Variants in GPC5 observed in about 807,000 individuals in gnomAD.
The protein encoded by GPC5 is glypican-5.
Under a neutral mutation model 53.9 loss-of-function variants are expected in GPC5, and 47 were observed. The ratio of observed to expected loss-of-function variants is 0.87; its 90% CI spans 0.69 to 1.11. The LOEUF (loss-of-function observed/expected upper bound fraction) is 1.11, where lower values mean the gene tolerates loss of function less well. GPC5 is among the 50% of genes most tolerant of loss of function. GPC5 has a pLI of 0.00. For missense variants in GPC5, 748 were observed against 713.1 expected, an observed-to-expected ratio of 1.05 and a Z score of -0.56; for synonymous variants, 286 against 263.3, an observed-to-expected ratio of 1.09 and a Z score of -0.84.
At chr13:91,556,772 G>T (rs1239515041) in intron 2 of GPC5, among the ~76,000 whole-genome samples, 4 of 152,028 alleles carry the variant, frequency 2.6e-5, no homozygotes, top group Admixed American at 6.6e-5. Context: ...TAAGCTATGA[G>T]GATGCAAAGG....
Position 92,163,030 on chromosome 13 carries a change from C to T in GPC5, c.1561+18041C>T, listed in dbSNP as rs2042001500. On this transcript the variant is annotated intron_variant, in intron 7 of 7. Coordinates refer to ENST00000377067, the MANE Select transcript of GPC5 (RefSeq NM_004466.6). ...TACATTCTTGGGATCAAATATACTG[C>T]ATGAAAAAAGATGCTCAGAAAAGTC... 4.0e-5 allele frequency among the ~76,000 whole-genome samples: 6 copies of T among 151,844 alleles called. No homozygotes were observed. In the South Asian group the frequency reaches 1.2e-3, roughly 32 times the overall value.
intron 2 of GPC5, among the ~76,000 whole-genome samples, chr13:91,518,868 A>G (rs1398347254): frequency 6.6e-6 from 1 of 152,162 alleles, no homozygotes; most frequent in Admixed American, 6.5e-5. Context: ...TCAGCTTTCT[A>G]AAGAGGCAGT....
At chr13:92,404,835 C>T (rs1009366585) in intron 7 of GPC5, among the ~76,000 whole-genome samples, 7 of 149,592 alleles carry the variant, frequency 4.7e-5, no homozygotes, top group African/African-American at 1.7e-4. Flanking sequence ...TAAGTATGAT[C>T]ATCTTAAATT....
At chr13:91,733,119 C>T (rs1005708530) in intron 4 of GPC5, among the ~76,000 whole-genome samples, 1 of 152,032 alleles carries the variant, frequency 6.6e-6, no homozygotes, top group Non-Finnish European at 1.5e-5. Context: ...GGCAGTATGG[C>T]CATTTTCACA....
chr13:91,399,917 G>T (rs530958745), intron 1 of GPC5, among the ~76,000 whole-genome samples: 2 of 152,288 alleles, frequency 1.3e-5, no homozygotes, highest in South Asian at 4.1e-4. Context: ...ATGTACCAGC[G>T]TTCCAAAGGG....
chr13:91,579,624 CTTTTTTTTTTTTTTTTT>C (rs3055895), intron 2 of GPC5, among the ~76,000 whole-genome samples: 1 of 102,604 alleles, frequency 9.7e-6, no homozygotes, highest in East Asian at 3.1e-4. Flanking sequence ...TTTTCTTTTT[CTTTTTTTTTTTTTTTTT>C]TTTTTGTGAT....
chr13:92,691,491 G>T (rs1054643960), intron 7 of GPC5, among the ~76,000 whole-genome samples: 1 of 150,396 alleles, frequency 6.6e-6, no homozygotes. Context: ...GATGAACCCG[G>T]TACCTCAGAT....
At chr13:92,317,956 A>G (rs1187855362) in intron 7 of GPC5, among the ~76,000 whole-genome samples, 2 of 152,226 alleles carry the variant, frequency 1.3e-5, no homozygotes, top group African/African-American at 2.4e-5. Context: ...CAGTGAATAC[A>G]TTATATTTCA....
chr13:92,690,475 T>C (rs1887350038), intron 7 of GPC5, among the ~76,000 whole-genome samples: 1 of 67,444 alleles, frequency 1.5e-5, no homozygotes, highest in Non-Finnish European at 2.5e-5. Flanking sequence ...CTTCTAAATT[T>C]TTTTCAAAGT....
intron 5 of GPC5, among the ~76,000 whole-genome samples, chr13:91,778,461 T>C (rs2037746767): frequency 6.6e-6 from 1 of 152,218 alleles, no homozygotes; most frequent in Admixed American, 6.5e-5. Context: ...TCTTTCTGTA[T>C]GGGACTGGAA....
chr13:91,604,025 A>C (rs994294272), intron 2 of GPC5, among the ~76,000 whole-genome samples: 3 of 149,648 alleles, frequency 2.0e-5, no homozygotes, highest in African/African-American at 7.4e-5. Flanking sequence ...ATATGTATAC[A>C]TGTGCCATGC....
At chr13:91,563,268 C>T (rs2031367041) in intron 2 of GPC5, among the ~76,000 whole-genome samples, 1 of 152,100 alleles carries the variant, frequency 6.6e-6, no homozygotes, top group African/African-American at 2.4e-5. Flanking sequence ...TTCACATACA[C>T]AAACATATGC....
chr13:92,744,220 C>A (rs1049554602), intron 7 of GPC5, among the ~76,000 whole-genome samples: 5 of 142,794 alleles, frequency 3.5e-5, no homozygotes, highest in Admixed American at 7.1e-5. Flanking sequence ...TAGCATTTAG[C>A]CTTCTGGTTT....
chr13:91,522,602 T>C (rs567844143), intron 2 of GPC5, among the ~76,000 whole-genome samples: 4 of 152,274 alleles, frequency 2.6e-5, no homozygotes, highest in African/African-American at 9.6e-5. Context: ...ATGTGCCATG[T>C]TGGTTTGCTG....
At chr13:92,336,007 T>G (rs1374148252) in intron 7 of GPC5, among the ~76,000 whole-genome samples, 3 of 152,182 alleles carry the variant, frequency 2.0e-5, no homozygotes, top group African/African-American at 7.2e-5. Flanking sequence ...TCTGTTGCAA[T>G]GTAGTAGTTC....
At chr13:92,444,269 A>G (rs1198799186) in intron 7 of GPC5, among the ~76,000 whole-genome samples, 39 of 152,214 alleles carry the variant, frequency 2.6e-4, no homozygotes, top group Admixed American at 2.6e-3. Context: ...GAGAGGGCAC[A>G]GTTTGTGTCA....
At chr13:92,528,482 C>T (rs1005253669) in intron 7 of GPC5, among the ~76,000 whole-genome samples, 2 of 151,832 alleles carry the variant, frequency 1.3e-5, no homozygotes, top group Non-Finnish European at 2.9e-5. Context: ...TTATGGGATA[C>T]AATTTATATT....
At chr13:92,182,848 A>G (rs975168371) in intron 7 of GPC5, among the ~76,000 whole-genome samples, 11 of 151,668 alleles carry the variant, frequency 7.3e-5, no homozygotes, top group Non-Finnish European at 7.4e-5. Flanking sequence ...CAGCCTGGGC[A>G]ACAGAGCGAG....
intron 7 of GPC5, among the ~76,000 whole-genome samples, chr13:92,768,798 T>C (rs990101832): frequency 1.1e-4 from 16 of 151,496 alleles, no homozygotes; most frequent in African/African-American, 3.4e-4. Flanking sequence ...CTAATATGCC[T>C]GCCTGGTCCA....
Sources: allele counts gnomAD v4.1 joint callset (sites outside exome capture counted in the v4.1 genomes callset), GRCh38; gene constraint gnomAD v4.1.1; transcripts MANE v1.5; gene names NCBI Gene and HGNC (gene_info 2026-07-23, HGNC 2026-07-21).